Variants in FAM174B observed in about 807,000 individuals in gnomAD.
The protein encoded by FAM174B is membrane protein FAM174B.
FAM174B carries 12 observed loss-of-function variants against 10.9 expected under a neutral mutation model. The ratio of observed to expected loss-of-function variants is 1.10; its 90% CI spans 0.71 to 1.79. The LOEUF (loss-of-function observed/expected upper bound fraction) is 1.79, where lower values mean the gene tolerates loss of function less well. Ranked by LOEUF, FAM174B falls within the 40% of genes most tolerant of loss-of-function variation. The probability of loss-of-function intolerance (pLI) is 0.00; values close to 1 mark genes in which losing one functional copy is unlikely to be tolerated. For synonymous variants in FAM174B, 132 were observed against 115.8 expected (o/e 1.14, Z -0.90); for missense variants, 266 against 233.3 (o/e 1.14, Z -0.91).
intron 2 of FAM174B, among the ~76,000 whole-genome samples, chr15:92,628,439 C>A (rs990692425): frequency 4.8e-5 from 7 of 145,858 alleles, no homozygotes; most frequent in African/African-American, 1.8e-4. Flanking sequence ...CTCGGCCTCT[C>A]AAAATGCTGA....
chr15:92,619,972 A>G (rs917786294), intron 2 of FAM174B: 1 of 160,550 alleles, frequency 6.2e-6, no homozygotes, highest in Non-Finnish European at 1.4e-5. Flanking sequence ...ATAAAATAGT[A>G]TTCTTCCTTT....
rs761446969 is a variant in FAM174B at position 92,630,207 on chromosome 15, C to T, written c.476+7G>A. 6 of 1,613,528 alleles carry T rather than the reference C, an allele frequency of 3.7e-6. No homozygotes were observed. Among genetic ancestry groups the T allele is most frequent in the South Asian group, 1.1e-5 (1 of 91,018 alleles). Reference sequence around the variant, plus strand: ...CCCAGGAGGAAGCCTCTGTCTCCACCCTGTACCTGTATTTGATGTCGAATA... The same window carrying T: ...CCCAGGAGGAAGCCTCTGTCTCCACTCTGTACCTGTATTTGATGTCGAATA... On this transcript the variant is annotated splice_region_variant and intron_variant, in intron 2 of 2. Transcript: ENST00000327355.
intron 1 of FAM174B, among the ~76,000 whole-genome samples, chr15:92,652,882 G>A (rs1329606062): frequency 6.6e-6 from 1 of 152,182 alleles, no homozygotes; most frequent in East Asian, 1.9e-4. Flanking sequence ...TTACAGGGGA[G>A]CGTGGGACAG....
chr15:92,623,038 C>A (rs2050729856), intron 2 of FAM174B, among the ~76,000 whole-genome samples: 1 of 152,072 alleles, frequency 6.6e-6, no homozygotes, highest in African/African-American at 2.4e-5. Context: ...CGCCTGTAAT[C>A]CCAGCTACTC....
intron 1 of FAM174B, among the ~76,000 whole-genome samples, chr15:92,638,946 A>T (rs2050873362): frequency 6.6e-6 from 1 of 152,322 alleles, no homozygotes; most frequent in South Asian, 2.1e-4. Flanking sequence ...AGGCACTGTG[A>T]GGCGACAACC....
intron 1 of FAM174B, among the ~76,000 whole-genome samples, chr15:92,630,766 A>AT (rs1381152876): frequency 0.28 from 165 of 582 alleles, 19 homozygotes; most frequent in Non-Finnish European, 0.53. Flanking sequence ...AATAATATAT[A>AT]ATAATAATAT....
intron 2 of FAM174B, chr15:92,627,504 A>G (rs1218469691): frequency 6.4e-6 from 1 of 156,164 alleles, no homozygotes; most frequent in African/African-American, 2.4e-5. Flanking sequence ...ATGGACGTCT[A>G]TGCCCTCAGG....
chr15:92,647,069 C>T (rs1298458315), intron 1 of FAM174B, among the ~76,000 whole-genome samples: 1 of 152,232 alleles, frequency 6.6e-6, no homozygotes, highest in Non-Finnish European at 1.5e-5. Context: ...GTCGACAGGA[C>T]TGACAGTGCA....
At position 92,636,271 on chromosome 15, in the gene FAM174B, G is replaced by A. The variant is rs113850139; in HGVS notation, c.345-5926C>T. 9.6e-3 allele frequency among the ~76,000 whole-genome samples: 1,464 copies of A among 152,106 alleles called. 14 individuals carry two copies. The highest frequency in any genetic ancestry group is 0.026 in the African/African-American group (1,082 of 41,498). ...GGAGGTTGCAACAAGCCGAGATCTC[G>A]CCACCACACTCCAGCCTGGGTGACA... On this transcript the variant is annotated intron_variant, in intron 1 of 2. Coordinates refer to ENST00000327355, the MANE Select transcript of FAM174B (RefSeq NM_207446.3).
intron 1 of FAM174B, among the ~76,000 whole-genome samples, chr15:92,638,312 T>C (rs191441471): frequency 1.3e-5 from 2 of 152,304 alleles, no homozygotes; most frequent in Admixed American, 1.3e-4. Flanking sequence ...TCAAAATTCT[T>C]TTAGTCTGAA....
In FAM174B at chr15:92,654,024, G is replaced by A. The variant is rs554666770; in HGVS notation, c.344+1292C>T. 1.8e-4 allele frequency among the ~76,000 whole-genome samples: 28 copies of A among 152,352 alleles called. No homozygotes were observed. In the South Asian group the frequency reaches 5.8e-3, roughly 32 times the overall value. On this transcript the variant is annotated intron_variant, in intron 1 of 2. Coordinates refer to ENST00000327355, the MANE Select transcript of FAM174B (RefSeq NM_207446.3). ...AACCCAGAGAACATCAAGGAGACCA[G>A]CAGAGTGAGGAACGATGTGGCCTGA... is the stretch of plus-strand genomic sequence containing the variant.
chr15:92,635,502 T>C (rs561070389), intron 1 of FAM174B, among the ~76,000 whole-genome samples: 1 of 151,882 alleles, frequency 6.6e-6, no homozygotes, highest in African/African-American at 2.4e-5. Context: ...GGAAACCTCA[T>C]AGCGTATAAA....
At chr15:92,629,884 C>T (rs1386700493) in intron 2 of FAM174B, among the ~76,000 whole-genome samples, 1 of 152,126 alleles carries the variant, frequency 6.6e-6, no homozygotes, top group Non-Finnish European at 1.5e-5. Context: ...GGGGAGTTCC[C>T]CTTCATAAGC....
intron 1 of FAM174B, among the ~76,000 whole-genome samples, chr15:92,636,801 T>TC (rs2050858916): frequency 6.6e-6 from 1 of 152,086 alleles, no homozygotes; most frequent in Non-Finnish European, 1.5e-5. Context: ...CTCACTCCCA[T>TC]CCAAGAGCCC....
At position 92,630,222 on chromosome 15, in the gene FAM174B, G is replaced by A. The variant is rs2141952840; in HGVS notation, c.468C>T (p.Ile156=). The change falls in exon 2 of 3, where the codon ATC becomes ATT. Residue 156 remains isoleucine, a synonymous_variant. Transcript: ENST00000327355. ...CTGTCTCCACCCTGTACCTGTATTTGATGTCGAATACTGTGGAGTCCTCAT... is the reference window on the plus strand; with the variant it reads ...CTGTCTCCACCCTGTACCTGTATTTAATGTCGAATACTGTGGAGTCCTCAT... ...DEDEDSTVFD[I]KYR 6.2e-7 allele frequency: 1 copy of A among 1,613,662 alleles called. No individual in the cohort carries two copies. The highest frequency in any genetic ancestry group is 8.5e-7 in the Non-Finnish European group (1 of 1,179,736).
chr15:92,625,402 A>C (rs1006108267), intron 2 of FAM174B, among the ~76,000 whole-genome samples: 1 of 152,194 alleles, frequency 6.6e-6, no homozygotes, highest in South Asian at 2.1e-4. Context: ...AATAACCCAA[A>C]GCCATGATTC....
rs781551261 is a variant in FAM174B at position 92,617,624 on chromosome 15, T to C, written c.*1832A>G. The C allele has an allele frequency of 3.0e-5, 20 of 655,878 alleles. No individual in the cohort carries two copies. Among genetic ancestry groups the C allele is most frequent in the South Asian group, 2.3e-4 (14 of 60,482 alleles). 40.6% of individuals were successfully genotyped at this position (655,878 alleles called of 1,614,324 possible). A position where few individuals can be genotyped will look rare whatever the true frequency, so the allele number is the denominator to read the frequency against. On this transcript the variant is annotated 3_prime_UTR_variant, in exon 3 of 3. Transcript: ENST00000327355. The stretch of plus-strand genomic sequence containing the variant: ...ATCCAGCTTTTCCATGAGATTCAGC[T>C]GCAGTTGTCGAAAACCCTGTGTGAG...
intron 1 of FAM174B, among the ~76,000 whole-genome samples, chr15:92,638,818 C>A (rs1028104085): frequency 2.6e-5 from 4 of 152,142 alleles, no homozygotes; most frequent in Admixed American, 2.0e-4. Context: ...CTCCTTCTTC[C>A]GAATCCTGCA....
chr15:92,630,826 T>TTACATATTA (rs2050790799), intron 1 of FAM174B, among the ~76,000 whole-genome samples: 2 of 26,144 alleles, frequency 7.6e-5, no homozygotes, highest in African/African-American at 1.5e-4. Context: ...ATATTACATA[T>TTACATATTA]TATATATTAT....
Sources: gnomAD v4.1 joint callset for allele counts (sites outside exome capture counted in the v4.1 genomes callset) on GRCh38, gnomAD v4.1.1 for gene constraint, MANE v1.5 for transcripts, NCBI Gene and HGNC (gene_info 2026-07-23, HGNC 2026-07-21) for gene names.